Variants in ARMC9 observed in about 807,000 individuals in gnomAD.
The protein encoded by ARMC9 is lisH domain-containing protein ARMC9.
A neutral mutation model predicts 107.0 loss-of-function variants in ARMC9; 94 were observed. That is an observed-to-expected ratio of 0.88 (90% CI 0.74 to 1.04). The LOEUF (loss-of-function observed/expected upper bound fraction) is 1.04, where lower values mean the gene tolerates loss of function less well. ARMC9 is among the 50% of genes least tolerant of loss of function. The pLI is 0.00. For missense variants in ARMC9, 942 were observed against 1,030.1 expected, an observed-to-expected ratio of 0.91 and a Z score of 1.17; for synonymous variants, 380 against 396.9, an observed-to-expected ratio of 0.96 and a Z score of 0.51.
chr2:231,273,152 A>G (rs1455903185), intron 14 of ARMC9, 74 bp downstream of exon 14: 1 of 1,541,712 alleles, frequency 6.5e-7, no homozygotes, highest in African/African-American at 1.4e-5. Context: ...GCAACCCAGG[A>G]GGCAGATGGT....
intron 19 of ARMC9, among the ~76,000 whole-genome samples, chr2:231,300,106 T>A (rs749058001): frequency 1.3e-5 from 2 of 152,208 alleles, no homozygotes; most frequent in Admixed American, 1.3e-4. Context: ...ACAGCCAGTT[T>A]CCTTGTATGG....
intron 11 of ARMC9, among the ~76,000 whole-genome samples, chr2:231,260,816 A>G (rs771133549): frequency 3.3e-5 from 5 of 152,168 alleles, no homozygotes; most frequent in Admixed American, 2.6e-4. Flanking sequence ...GAGACAGGGT[A>G]TTCCTTTGCT....
rs1429285633 is a variant in ARMC9, at chr2:231,302,433, GTTTGTTTT to G, written c.1773+6184_1773+6191del. On this transcript the variant is annotated intron_variant, in intron 19 of 24. Transcript: ENST00000611582. ...TTTATGAAAAAGTGTAGCATTGTGG[GTTTGTTTT>G]TTTTTTTTTTTTTTTTTTTTTGCCA... 7.3e-5 allele frequency among the ~76,000 whole-genome samples: 7 copies of G among 96,444 alleles called. No individual in the cohort carries two copies. In the East Asian group the frequency reaches 9.1e-4, roughly 12 times the overall value. The allele number at this position is 96,444 out of a possible 152,430, so 63.3% of individuals were successfully genotyped here.
rs67988812 is a variant in ARMC9 at position 231,354,376 on chromosome 2, A to ATT, written c.1995-1400_1995-1399dup. Among the ~76,000 whole-genome samples, 75 of 66,612 alleles carry ATT rather than the reference A, an allele frequency of 1.1e-3. 3 individuals are homozygous for ATT. Among genetic ancestry groups the ATT allele is most frequent in the African/African-American group, 3.6e-3 (64 of 17,748 alleles). 43.7% of individuals were successfully genotyped at this position (66,612 alleles called of 152,430 possible). On this transcript the variant is annotated intron_variant, in intron 21 of 24. Transcript: ENST00000611582. ...TTTGACTTTGGGTTGAGCCATGTGA[A>ATT]TTTTTTTTTTTTTTTTTTTTTTTGA... is the stretch of plus-strand genomic sequence containing the variant.
chr2:231,283,241 A>G (rs896613888), intron 17 of ARMC9, among the ~76,000 whole-genome samples: 1 of 152,220 alleles, frequency 6.6e-6, no homozygotes, highest in African/African-American at 2.4e-5. Context: ...TAGGAGTTCC[A>G]GAAGGAGACG....
intron 17 of ARMC9, 99 bp downstream of exon 17, chr2:231,282,232 C>G (rs1466838234): frequency 4.1e-6 from 5 of 1,213,176 alleles, no homozygotes; most frequent in East Asian, 2.3e-5. Context: ...TAGAAAGGCT[C>G]AGATCCGTTC....
intron 1 of ARMC9, 142 bp from the exon 2 acceptor site, chr2:231,206,056 G>A (rs2031939209): frequency 3.1e-6 from 2 of 636,932 alleles, no homozygotes; most frequent in Non-Finnish European, 2.8e-6. Flanking sequence ...CCCCCTTGCC[G>A]TGTAACCTCA....
chr2:231,214,777 A>C (rs1331226644), intron 3 of ARMC9, 54 bp from the exon 4 acceptor site: 6 of 1,573,510 alleles, frequency 3.8e-6, no homozygotes, highest in Non-Finnish European at 5.2e-6. Context: ...GGTTGTGAGA[A>C]TTTTGGGTGT....
intron 20 of ARMC9, among the ~76,000 whole-genome samples, chr2:231,333,780 G>A (rs760179052): frequency 6.6e-6 from 1 of 152,196 alleles, no homozygotes; most frequent in Non-Finnish European, 1.5e-5. Flanking sequence ...AGACAGACAC[G>A]CAGGCACGTA....
At chr2:231,223,736 C>T (rs908232129) in intron 6 of ARMC9, among the ~76,000 whole-genome samples, 4 of 152,206 alleles carry the variant, frequency 2.6e-5, no homozygotes, top group Admixed American at 6.5e-5. Flanking sequence ...TAAGCCTTCC[C>T]TGTTGCCTGT....
At position 231,217,022 on chromosome 2, in the gene ARMC9, T is replaced by C. The variant is rs530273422; in HGVS notation, c.504+229T>C. 3.9e-5 allele frequency among the ~76,000 whole-genome samples: 6 copies of C among 152,352 alleles called. 1 individual carries two copies. The East Asian group carries it at 9.6e-4, about 24-fold the overall frequency. ...AGTGGTTTGCAACTTCTACATACATTAAATCTGGAAGAGTTATAGTAATTA... is the reference window on the plus strand; with the variant it reads ...AGTGGTTTGCAACTTCTACATACATCAAATCTGGAAGAGTTATAGTAATTA... On this transcript the variant is annotated intron_variant, in intron 5 of 24. Coordinates refer to ENST00000611582, the MANE Select transcript of ARMC9 (RefSeq NM_001352754.2).
chr2:231,370,766 GC>G lies in ARMC9; in HGVS notation c.2434+645del, dbSNP rs1356903190. ...CCCTTCCAGCCTCTGCCAATTGATA[GC>G]CCCTCCACCTCCACGCCCCAACTGA... On this transcript the variant is annotated intron_variant, in intron 24 of 24. Coordinates refer to ENST00000611582, the MANE Select transcript of ARMC9 (RefSeq NM_001352754.2). The G allele has an allele frequency of 2.7e-5, 6 of 218,746 alleles. No individual in the cohort carries two copies. The Admixed American group carries it at 3.3e-4, about 12-fold the overall frequency. 13.6% of individuals were successfully genotyped at this position (218,746 alleles called of 1,614,324 possible). A position where few individuals can be genotyped will look rare whatever the true frequency, so the allele number is the denominator to read the frequency against.
Position 231,240,988 on chromosome 2 carries a change from AG to A in ARMC9, c.879+949del, listed in dbSNP as rs1015283823. On this transcript the variant is annotated intron_variant, in intron 9 of 24. Transcript: ENST00000611582. The stretch of plus-strand genomic sequence containing the variant: ...GCCAAGGCGGGTGGATCACGAGGTC[AG>A]GAGTTCCAGACCAGCCTGGCCAACA... Among the ~76,000 whole-genome samples the A allele has an allele frequency of 2.0e-4, 31 of 152,306 alleles. 1 individual carries two copies. The highest frequency in any genetic ancestry group is 7.2e-4 in the African/African-American group (30 of 41,570).
intron 21 of ARMC9, among the ~76,000 whole-genome samples, chr2:231,354,470 C>T (rs1204112984): frequency 6.7e-6 from 1 of 150,054 alleles, no homozygotes; most frequent in African/African-American, 2.5e-5. Flanking sequence ...CAACCTCCGC[C>T]TCCCTGGCTC....
intron 20 of ARMC9, among the ~76,000 whole-genome samples, chr2:231,340,759 A>G (rs903340015): frequency 3.3e-5 from 5 of 152,086 alleles, no homozygotes; most frequent in Non-Finnish European, 7.4e-5. Context: ...ATGGTGGCAC[A>G]TGCCTGTAGT....
At position 231,222,795 on chromosome 2, in the gene ARMC9, A is replaced by T. The variant is rs751068723; in HGVS notation, c.572A>T (p.Asn191Ile). Reference protein sequence around the residue: ...KFLALISKASNTPKLLTIYKE... With the variant: ...KFLALISKASITPKLLTIYKE... ...CTAGCTTTAATATCTAAAGCCAGCA[A>T]CACGCCAAAGCTTTTAACAATATAT... Residue 191 changes from asparagine (N) to isoleucine (I), a missense_variant, in exon 6 of 25, where the codon AAC (asparagine) becomes ATC (isoleucine). Transcript: ENST00000611582. The T allele has an allele frequency of 9.4e-6, 15 of 1,593,452 alleles. No individual in the cohort carries two copies. The highest frequency in any genetic ancestry group is 1.2e-5 in the Non-Finnish European group (14 of 1,162,708).
Position 231,360,820 on chromosome 2 carries a change from C to T in ARMC9, c.2198C>T (p.Pro733Leu). 1 of 1,536,116 alleles carries T rather than the reference C, an allele frequency of 6.5e-7. No homozygotes were observed. The highest frequency in any genetic ancestry group is 8.7e-7 in the Non-Finnish European group (1 of 1,146,890). Residue 733 changes from proline (P) to leucine (L), a missense_variant, in exon 23 of 25, where the codon CCC becomes CTC. Physicochemically the swap from Pro to Leu is moderately conservative, Grantham distance 98. Coordinates refer to ENST00000611582, the MANE Select transcript of ARMC9 (RefSeq NM_001352754.2). This position sits in a 1 kb window ranked among gnomAD's most constrained non-coding sequence, Gnocchi z 4.7. ...CGCCAGGAAGAGCCTCGCCCAGCCC[C>T]CACGGGGACCCCCCGCCAGCCAAGG... ...RGRQEEPRPA[P>L]TGTPRQPREA...
chr2:231,290,004 G>C (rs2040877548), intron 17 of ARMC9, among the ~76,000 whole-genome samples: 1 of 152,214 alleles, frequency 6.6e-6, no homozygotes, highest in Non-Finnish European at 1.5e-5. Context: ...CATTGGACTA[G>C]AGGCTATTTC....
Position 231,242,087 on chromosome 2 carries a change from C to T in ARMC9, c.879+2046C>T, listed in dbSNP as rs148257279. Among the ~76,000 whole-genome samples, 237 of 152,160 alleles carry T rather than the reference C, an allele frequency of 1.6e-3. 1 individual carries two copies. In the Middle Eastern group the frequency reaches 0.065, roughly 41 times the overall value. The stretch of plus-strand genomic sequence containing the variant: ...ACCATTTCAGTGCTGCTAAAGTTTT[C>T]TACCCTTCAGGCTTCTTCCAAGTAG... On this transcript the variant is annotated intron_variant, in intron 9 of 24. Transcript: ENST00000611582.
Sources: allele counts gnomAD v4.1 joint callset (sites outside exome capture counted in the v4.1 genomes callset), GRCh38; gene constraint gnomAD v4.1.1; non-coding constraint Gnocchi (gnomAD v3.1); transcripts MANE v1.5; gene names NCBI Gene and HGNC (gene_info 2026-07-23, HGNC 2026-07-21).